ZNF596: variants seen among roughly 807,000 people sequenced by gnomAD.
The protein encoded by ZNF596 is zinc finger protein 596.
ZNF596 carries 45 observed loss-of-function variants against 48.3 expected under a neutral mutation model. The ratio of observed to expected loss-of-function variants is 0.93; its 90% confidence interval spans 0.73 to 1.19. The LOEUF (loss-of-function observed/expected upper bound fraction) is 1.19. Among genes scored for constraint, ZNF596 ranks in the 50% most tolerant of loss-of-function variants. ZNF596 has a pLI of 0.00. For synonymous variants in ZNF596, 270 were observed against 202.0 expected, an observed-to-expected ratio of 1.34 and a Z score of -2.85; for missense variants, 848 against 599.7, an observed-to-expected ratio of 1.41 and a Z score of -4.32.
chr8:243,671 A>G, intron 3 of ZNF596, 51 bp from the exon 4 acceptor site: 4 of 1,584,034 alleles, frequency 2.5e-6, no homozygotes, highest in Non-Finnish European at 3.5e-6. Flanking sequence ...ATAACCTTGT[A>G]CATTTGTCAG....
chr8:244,096 G>T, intron 4 of ZNF596: 1 of 225,556 alleles, frequency 4.4e-6, no homozygotes, highest in Non-Finnish European at 8.7e-6. Context: ...CAACATGTTG[G>T]CCAGGCTGGT....
Position 242,953 on chromosome 8 carries a change from T to G in ZNF596, c.79T>G (p.Ser27Ala). The G allele has an allele frequency of 6.2e-7, 1 of 1,612,226 alleles. No homozygotes were observed. The highest frequency in any genetic ancestry group is 8.5e-7 in the Non-Finnish European group (1 of 1,178,624). ...TQEEWALLDT[S>A]QRKLFQDVML... ...AGAAGAGTGGGCCCTGCTGGACACA[T>G]CCCAGAGAAAGCTGTTTCAAGATGT... Residue 27 changes from serine (S) to alanine (A), a missense_variant, in exon 3 of 6, where the codon TCC becomes GCC. Coordinates refer to ENST00000398612, the MANE Select transcript of ZNF596 (RefSeq NM_001042416.3).
intron 2 of ZNF596, 119 bp from the exon 3 acceptor site, chr8:242,768 C>T: frequency 1.1e-6 from 1 of 950,488 alleles, no homozygotes; most frequent in Non-Finnish European, 1.4e-6. Flanking sequence ...ACCCCAAACA[C>T]TGTTTTGAGT....
chr8:236,705 T>C (rs569638215), intron 1 of ZNF596, among the ~76,000 whole-genome samples: 33 of 152,356 alleles, frequency 2.2e-4, no homozygotes, highest in Non-Finnish European at 4.4e-4. Flanking sequence ...ATAGGTTTTC[T>C]AGTATGGAAT....
At position 232,646 on chromosome 8, in the gene ZNF596, C is replaced by T. The variant is rs1796452578; in HGVS notation, c.-121C>T. On this transcript the variant is annotated 5_prime_UTR_variant, in exon 1 of 6. Coordinates refer to ENST00000398612, the MANE Select transcript of ZNF596 (RefSeq NM_001042416.3). ...TGAGGTCGCCCCTGTCCGGCCCTTCCACCCTAGTTCTCTTCACCGTCCGCC... is the reference window on the plus strand; with the variant it reads ...TGAGGTCGCCCCTGTCCGGCCCTTCTACCCTAGTTCTCTTCACCGTCCGCC... 2.8e-6 allele frequency: 1 copy of T among 353,980 alleles called. No individual in the cohort carries two copies. The allele number at this position is 353,980 out of a possible 1,614,324, so 21.9% of individuals were successfully genotyped here.
chr8:242,763 A>C, intron 2 of ZNF596, 124 bp from the exon 3 acceptor site: 1 of 907,474 alleles, frequency 1.1e-6, no homozygotes, highest in African/African-American at 1.7e-5. Flanking sequence ...CAGGAACCCC[A>C]AACACTGTTT....
At chr8:241,146 T>C (rs1796838904) in intron 2 of ZNF596, among the ~76,000 whole-genome samples, 1 of 147,138 alleles carries the variant, frequency 6.8e-6, no homozygotes, top group South Asian at 2.1e-4. Flanking sequence ...ATGTGAGAGG[T>C]TTTTGTTTCT....
At chr8:235,527 G>C (rs901483611) in intron 1 of ZNF596, among the ~76,000 whole-genome samples, 3 of 151,334 alleles carry the variant, frequency 2.0e-5, no homozygotes, top group Admixed American at 1.3e-4. Context: ...GTTATTTCCA[G>C]TTCACAAAGT....
chr8:245,467 A>T lies in ZNF596; in HGVS notation c.620A>T (p.Asn207Ile), dbSNP rs747346416. The T allele has an allele frequency of 1.2e-6, 2 of 1,614,074 alleles. No homozygotes were observed. The highest frequency in any genetic ancestry group is 8.5e-7 in the Non-Finnish European group (1 of 1,180,030). ...GTGTGTGGGAAAACCTTTAGCAAAA[A>T]TTCTAATCTTAGGCGACATGAGATG... Reference protein sequence around the residue: ...CRVCGKTFSKNSNLRRHEMIH... With the variant: ...CRVCGKTFSKISNLRRHEMIH... Residue 207 changes from asparagine to isoleucine, a missense_variant, in exon 6 of 6, where the codon AAT becomes ATT. By Grantham distance (149) the Asn-to-Ile change is moderately radical. Coordinates refer to ENST00000398612, the MANE Select transcript of ZNF596 (RefSeq NM_001042416.3).
chr8:232,499 C>A lies in ZNF596; in HGVS notation c.-268C>A, dbSNP rs1478599397. 3.3e-6 allele frequency: 1 copy of A among 303,330 alleles called. No homozygotes were observed. Among genetic ancestry groups the A allele is most frequent in the Non-Finnish European group, 6.8e-6 (1 of 147,688 alleles). The allele number at this position is 303,330 out of a possible 1,614,324, so 18.8% of individuals were successfully genotyped here. ...TCCTCCACACCCGGGGTCTGCTGGT[C>A]TCCGCGGATGTCACAGGCTCGGCAA... On this transcript the variant is annotated 5_prime_UTR_variant, in exon 1 of 6. Transcript: ENST00000398612.
intron 1 of ZNF596, chr8:234,454 G>T (rs1204347908): frequency 6.6e-6 from 1 of 152,164 alleles, no homozygotes; most frequent in Non-Finnish European, 1.5e-5. Context: ...TGTGGTTGTG[G>T]TAAAGAAAGA....
rs1227193799 is a variant in ZNF596, at chr8:244,640, A to T, written c.245A>T (p.His82Leu). ...TCAGGTAGAGAAGTTGGCATTAAACATCAAGAGATACCATTCATTCAACAT... is the reference window on the plus strand; with the variant it reads ...TCAGGTAGAGAAGTTGGCATTAAACTTCAAGAGATACCATTCATTCAACAT... Reference protein sequence around the residue: ...LLQGREVGIKHQEIPFIQHIY... With the variant: ...LLQGREVGIKLQEIPFIQHIY... The change falls in exon 5 of 6, where the codon CAT becomes CTT. Residue 82 changes from histidine (H) to leucine (L), a missense_variant. His to Leu is a moderately conservative substitution (Grantham distance 99). Transcript: ENST00000398612. The T allele has an allele frequency of 6.2e-7, 1 of 1,613,228 alleles. No individual in the cohort carries two copies. The highest frequency in any genetic ancestry group is 1.3e-5 in the African/African-American group (1 of 74,900).
chr8:241,952 G>A (rs139470817), intron 2 of ZNF596, among the ~76,000 whole-genome samples: 41 of 152,204 alleles, frequency 2.7e-4, no homozygotes, highest in African/African-American at 8.9e-4. Flanking sequence ...TAAATCATCA[G>A]ATCTTCTGAG....
At chr8:240,716 C>T in intron 1 of ZNF596, 108 bp from the exon 2 acceptor site, 1 of 681,354 alleles carries the variant, frequency 1.5e-6, no homozygotes, top group Non-Finnish European at 2.6e-6. Context: ...ACCCCCTACC[C>T]ACTGCATGTC....
chr8:241,276 G>A (rs541629864), intron 2 of ZNF596, among the ~76,000 whole-genome samples: 1 of 152,210 alleles, frequency 6.6e-6, no homozygotes, highest in South Asian at 2.1e-4. Context: ...GTGGGTAGGT[G>A]GTGAAAATAA....
Position 245,954 on chromosome 8 carries a change from G to A in ZNF596, c.1107G>A (p.Gly369=), listed in dbSNP as rs775330275. ...AACCACATGGATGTCATCTATGTGGGAAAGCATTCACTGAATCTTCTGTGC... is the reference window on the plus strand; with the variant it reads ...AACCACATGGATGTCATCTATGTGGAAAAGCATTCACTGAATCTTCTGTGC... ...GEKPHGCHLC[G]KAFTESSVLK... is the part of the protein sequence containing the mutation. Residue 369 remains glycine, a synonymous_variant, in exon 6 of 6, where the codon GGG becomes GGA. Coordinates refer to ENST00000398612, the MANE Select transcript of ZNF596 (RefSeq NM_001042416.3). 21 of 1,614,014 alleles carry A rather than the reference G, an allele frequency of 1.3e-5. No individual in the cohort carries two copies. The highest frequency in any genetic ancestry group is 1.7e-5 in the Admixed American group (1 of 60,002).
chr8:245,080 G>A (rs1797008347), intron 5 of ZNF596, 74 bp from the exon 6 acceptor site: 6 of 1,469,744 alleles, frequency 4.1e-6, no homozygotes, highest in Middle Eastern at 2.1e-4. Context: ...GAATTAATAT[G>A]TAGAGAAATG....
At chr8:233,157 A>T in intron 1 of ZNF596, 1 of 466,914 alleles carries the variant, frequency 2.1e-6, no homozygotes, top group Admixed American at 2.4e-5. Context: ...GAATTTGAAC[A>T]AACACCGACA....
At chr8:236,551 T>G (rs1796621398) in intron 1 of ZNF596, among the ~76,000 whole-genome samples, 2 of 152,192 alleles carry the variant, frequency 1.3e-5, no homozygotes, top group Admixed American at 1.3e-4. Context: ...GAGATTTTAT[T>G]GATTAAGAAG....
Sources: gnomAD v4.1 joint callset for allele counts (sites outside exome capture counted in the v4.1 genomes callset) on GRCh38, gnomAD v4.1.1 for gene constraint, MANE v1.5 for transcripts, NCBI Gene and HGNC (gene_info 2026-07-23, HGNC 2026-07-21) for gene names.